The following PXN variants were observed in gnomAD, a reference collection of about 807,000 sequenced individuals.
The protein encoded by PXN is paxillin.
PXN carries 61 observed loss-of-function variants against 103.6 expected under a neutral mutation model. The ratio of observed to expected loss-of-function variants is 0.59; its 90% CI spans 0.48 to 0.73. The LOEUF (loss-of-function observed/expected upper bound fraction) is 0.73, where lower values mean the gene tolerates loss of function less well. PXN is among the 30% of genes least tolerant of loss of function. PXN has a pLI of 0.00. For synonymous variants in PXN, 562 were observed against 607.8 expected (o/e 0.92, Z 1.11); for missense variants, 1,274 against 1,460.3 (o/e 0.87, Z 2.08).
Position 120,214,863 on chromosome 12 carries a change from A to C in PXN, c.2710T>G (p.Ser904Ala). 1.2e-6 allele frequency: 2 copies of C among 1,613,922 alleles called. No individual in the cohort carries two copies. Among genetic ancestry groups the C allele is most frequent in the South Asian group, 2.2e-5 (2 of 91,078 alleles). Residue 904 changes from serine to alanine, a missense_variant, in exon 12 of 15, where the codon TCC (serine) becomes GCC (alanine). Coordinates refer to ENST00000637617, the MANE Select transcript of PXN (RefSeq NM_001385981.1). This position sits in a 1 kb window ranked among gnomAD's most constrained non-coding sequence, Gnocchi z 5.0. ...CCGTTGCAGTAGTAGCAGCGCGGGG[A>C]GAAGAGGTTGTGGTAGTCCTTTTCA... ...YCEKDYHNLF[S>A]PRCYYCNGPI...
In PXN at chr12:120,229,984, C is replaced by G. The variant is rs1887675149; in HGVS notation, c.14-5607G>C. On this transcript the variant is annotated intron_variant, in intron 1 of 14. Coordinates refer to ENST00000637617, the MANE Select transcript of PXN (RefSeq NM_001385981.1). The surrounding 1 kb of genome is among the most constrained non-coding windows in gnomAD (Gnocchi z 4.0). ...AACTAGAAGAGGTATAGTCCTGTGG[C>G]CCTCAGGCAGCGCCCCACCTTAGCA... Among the ~76,000 whole-genome samples the G allele has an allele frequency of 6.6e-6, 1 of 152,178 alleles. No individual in the cohort carries two copies. Among genetic ancestry groups the G allele is most frequent in the Admixed American group, 6.5e-5 (1 of 15,278 alleles).
At position 120,221,587 on chromosome 12, in the gene PXN, CGGCAG is replaced by C. The variant is rs1885165514; in HGVS notation, c.831+31_831+35del. 1 of 1,538,064 alleles carries C rather than the reference CGGCAG, an allele frequency of 6.5e-7. No individual in the cohort carries two copies. The highest frequency in any genetic ancestry group is 1.2e-5 in the South Asian group (1 of 82,370). ...AGGGAGGAGAAGGATGAGGGAGGGG[CGGCAG>C]GGCAGGGAAGATGGAGGGTTCACAG... On this transcript the variant is annotated intron_variant, in intron 6 of 14. Coordinates refer to ENST00000637617, the MANE Select transcript of PXN (RefSeq NM_001385981.1). This position sits in a 1 kb window ranked among gnomAD's most constrained non-coding sequence, Gnocchi z 6.6.
At chr12:120,243,183 G>T (rs1239921666) in intron 1 of PXN, among the ~76,000 whole-genome samples, 1 of 152,114 alleles carries the variant, frequency 6.6e-6, no homozygotes, top group Non-Finnish European at 1.5e-5. Flanking sequence ...TTCTTTACCA[G>T]GCTAAATCCT....
At chr12:120,258,606 C>A (rs1265729356) in intron 1 of PXN, among the ~76,000 whole-genome samples, 1 of 152,216 alleles carries the variant, frequency 6.6e-6, no homozygotes, top group Non-Finnish European at 1.5e-5. Flanking sequence ...TTTTCTCCAA[C>A]TTTTCATTAT....
Position 120,224,275 on chromosome 12 carries a change from G to T in PXN, c.116C>A (p.Thr39Lys), listed in dbSNP as rs375818119. The stretch of plus-strand genomic sequence containing the variant: ...GGGTGGCACGGCAATCTCCTGGTAT[G>T]TGTGGTTTCCAGTTGGGTATGAGTA... ...TPYSYPTGNH[T>K]YQEIAVPPPV... Residue 39 changes from threonine (T) to lysine (K), a missense_variant, in exon 2 of 15, where the codon ACA becomes AAA. Transcript: ENST00000637617. The surrounding 1 kb of genome is among the most constrained non-coding windows in gnomAD (Gnocchi z 5.0). 2 of 1,613,838 alleles carry T rather than the reference G, an allele frequency of 1.2e-6. No individual in the cohort carries two copies. Among genetic ancestry groups the T allele is most frequent in the Non-Finnish European group, 1.7e-6 (2 of 1,179,732 alleles).
Position 120,216,904 on chromosome 12 carries a change from G to A in PXN, c.1929C>T (p.Thr643=), listed in dbSNP as rs775330521. 151 of 1,519,764 alleles carry A rather than the reference G, an allele frequency of 9.9e-5. No individual in the cohort carries two copies. The highest frequency in any genetic ancestry group is 3.7e-4 in the African/African-American group (27 of 72,242). 94.1% of individuals were successfully genotyped at this position (1,519,764 alleles called of 1,614,324 possible). ...GCTGCACAGTGATGATGACGCCCTCGGTCAGCCAGTCCTGGGCAGAGGGCC... is the reference window on the plus strand; with the variant it reads ...GCTGCACAGTGATGATGACGCCCTCAGTCAGCCAGTCCTGGGCAGAGGGCC... ...AAGPSAQDWL[T]EGVIITVQPR... The change falls in exon 8 of 15, where the codon ACC becomes ACT. Residue 643 remains threonine (T), a synonymous_variant. Transcript: ENST00000637617. The surrounding 1 kb of genome is among the most constrained non-coding windows in gnomAD (Gnocchi z 5.1).
rs564247758 is a variant in PXN at position 120,230,011 on chromosome 12, G to C, written c.14-5634C>G. On this transcript the variant is annotated intron_variant, in intron 1 of 14. Coordinates refer to ENST00000637617, the MANE Select transcript of PXN (RefSeq NM_001385981.1). Reference sequence around the variant, plus strand: ...CTCAGGCAGCGCCCCACCTTAGCACGCCTTGCATTCTCGAGGCCTGGCCCA... The same window carrying C: ...CTCAGGCAGCGCCCCACCTTAGCACCCCTTGCATTCTCGAGGCCTGGCCCA... Among the ~76,000 whole-genome samples the C allele has an allele frequency of 1.2e-4, 18 of 152,300 alleles. No individual in the cohort carries two copies. In the East Asian group the frequency reaches 1.5e-3, roughly 13 times the overall value.
At chr12:120,243,449 G>A (rs1365456192) in intron 1 of PXN, among the ~76,000 whole-genome samples, 1 of 152,166 alleles carries the variant, frequency 6.6e-6, no homozygotes, top group African/African-American at 2.4e-5. Context: ...AAGCATTTTG[G>A]GAGGCCAAGG....
At position 120,221,452 on chromosome 12, in the gene PXN, C is replaced by T. The variant is rs551814122; in HGVS notation, c.831+171G>A. On this transcript the variant is annotated intron_variant, in intron 6 of 14. Transcript: ENST00000637617. The surrounding 1 kb of genome is among the most constrained non-coding windows in gnomAD (Gnocchi z 6.6). ...CTCAGGCAGGCTGACCCGGCCCTCC[C>T]TCCCCATCTCCTGGCATCACAGCAA... 5.3e-5 allele frequency among the ~76,000 whole-genome samples: 8 copies of T among 152,282 alleles called. No homozygotes were observed. The highest frequency in any genetic ancestry group is 1.7e-4 in the African/African-American group (7 of 41,554).
chr12:120,256,742 G>A (rs1313274491), intron 1 of PXN, among the ~76,000 whole-genome samples: 1 of 152,060 alleles, frequency 6.6e-6, no homozygotes, highest in East Asian at 1.9e-4. Flanking sequence ...TTTTGAGACG[G>A]AATCTCGCTC....
rs1026762705 is a variant in PXN at position 120,211,650 on chromosome 12, G to C, written c.*664C>G. 1.0e-5 allele frequency: 3 copies of C among 300,476 alleles called. No individual in the cohort carries two copies. Among genetic ancestry groups the C allele is most frequent in the Non-Finnish European group, 2.0e-5 (3 of 148,980 alleles). The allele number at this position is 300,476 out of a possible 1,614,324, so 18.6% of individuals were successfully genotyped here. ...CCAGGCACGCCGTCCCGGAGACGGAGGAAGTGACTAGAAAACATTATTGCT... is the reference window on the plus strand; with the variant it reads ...CCAGGCACGCCGTCCCGGAGACGGACGAAGTGACTAGAAAACATTATTGCT... On this transcript the variant is annotated 3_prime_UTR_variant, in exon 15 of 15. Transcript: ENST00000637617.
In PXN at chr12:120,223,851, C is replaced by T. The variant is rs1345131417; in HGVS notation, c.241-18G>A. On this transcript the variant is annotated intron_variant, in intron 2 of 14. Transcript: ENST00000637617. Reference sequence around the variant, plus strand: ...GACTGAGGCTGCGAGAAGGAGAATGCTCAGAGGCTACCCCGAGGGGAGAAA... The same window carrying T: ...GACTGAGGCTGCGAGAAGGAGAATGTTCAGAGGCTACCCCGAGGGGAGAAA... The T allele has an allele frequency of 5.8e-6, 9 of 1,545,796 alleles. No individual in the cohort carries two copies. Among genetic ancestry groups the T allele is most frequent in the Non-Finnish European group, 8.0e-6 (9 of 1,130,780 alleles).
chr12:120,214,300 C>T lies in PXN; in HGVS notation c.2749-83G>A, dbSNP rs1881706667. 2 of 1,222,964 alleles carry T rather than the reference C, an allele frequency of 1.6e-6. No individual in the cohort carries two copies. The highest frequency in any genetic ancestry group is 1.5e-5 in the African/African-American group (1 of 66,576). The allele number at this position is 1,222,964 out of a possible 1,614,324, so 75.8% of individuals were successfully genotyped here. A position where few individuals can be genotyped will look rare whatever the true frequency, so the allele number is the denominator to read the frequency against. ...CGCCCAGCAAGGCCGTCCTTCCACC[C>T]GCAGCTCATAGCCATAGACAGAGCA... On this transcript the variant is annotated intron_variant, in intron 12 of 14. Transcript: ENST00000637617. The surrounding 1 kb of genome is among the most constrained non-coding windows in gnomAD (Gnocchi z 5.0).
At chr12:120,260,280 C>T (rs1208659538) in intron 1 of PXN, among the ~76,000 whole-genome samples, 4 of 152,116 alleles carry the variant, frequency 2.6e-5, no homozygotes, top group South Asian at 2.1e-4. Context: ...GAGGCCGAGG[C>T]GGGTGGATCA....
At chr12:120,252,607 G>A (rs1032486694) in intron 1 of PXN, among the ~76,000 whole-genome samples, 9 of 152,082 alleles carry the variant, frequency 5.9e-5, no homozygotes, top group African/African-American at 2.2e-4. Flanking sequence ...TCTGGCAACT[G>A]CATTTGTCAT....
rs1333873999 is a variant in PXN, at chr12:120,215,950, TGGAA to T, written c.2302-293_2302-290del. 2.2e-6 allele frequency: 3 copies of T among 1,383,568 alleles called. No homozygotes were observed. The highest frequency in any genetic ancestry group is 2.8e-6 in the Non-Finnish European group (3 of 1,069,652). 85.7% of individuals were successfully genotyped at this position (1,383,568 alleles called of 1,614,324 possible). A position where few individuals can be genotyped will look rare whatever the true frequency, so the allele number is the denominator to read the frequency against. ...CTCACCGGGCGCTGGGCCTGGGGGC[TGGAA>T]GGGAGGAGACAGGTTTCTGGTCTCC... On this transcript the variant is annotated intron_variant, in intron 9 of 14. Coordinates refer to ENST00000637617, the MANE Select transcript of PXN (RefSeq NM_001385981.1). The surrounding 1 kb of genome is among the most constrained non-coding windows in gnomAD (Gnocchi z 4.9).
intron 1 of PXN, among the ~76,000 whole-genome samples, chr12:120,261,677 G>A (rs543205152): frequency 6.6e-6 from 1 of 152,182 alleles, no homozygotes; most frequent in East Asian, 1.9e-4. Flanking sequence ...CAATAACTCT[G>A]GCCTTCCATC....
intron 1 of PXN, chr12:120,226,721 G>A (rs1183108980): frequency 9.0e-7 from 1 of 1,111,964 alleles, no homozygotes; most frequent in Non-Finnish European, 1.1e-6. Flanking sequence ...CACTCATTCT[G>A]AGGTCGAGCC....
chr12:120,255,896 A>G (rs1204081585), intron 1 of PXN, among the ~76,000 whole-genome samples: 4 of 145,664 alleles, frequency 2.7e-5, no homozygotes, highest in African/African-American at 5.1e-5. Flanking sequence ...CCAAAAATAC[A>G]AAATTAGCCA....
Sources: gnomAD v4.1 joint callset for allele counts (sites outside exome capture counted in the v4.1 genomes callset) on GRCh38, gnomAD v4.1.1 for gene constraint, Gnocchi (gnomAD v3.1) non-coding constraint, MANE v1.5 for transcripts, NCBI Gene and HGNC (gene_info 2026-07-23, HGNC 2026-07-21) for gene names.